ACCSL: variants seen among roughly 807,000 people sequenced by gnomAD.
ACCSL encodes the protein 1-aminocyclopropane-1-carboxylate synthase homolog (inactive) like.
Under a neutral mutation model 61.7 loss-of-function variants are expected in ACCSL, and 55 were observed. The ratio of observed to expected loss-of-function variants is 0.89; its 90% CI spans 0.72 to 1.12. ACCSL has a LOEUF of 1.12. Among genes scored for constraint, ACCSL ranks in the 50% most tolerant of loss-of-function variants. The pLI, the probability that ACCSL is intolerant of heterozygous loss-of-function variation, is 0.00. For missense variants in ACCSL, 632 were observed against 698.0 expected (o/e 0.91, Z 1.07); for synonymous variants, 258 against 264.3 (o/e 0.98, Z 0.23).
the ACCSL span, among the ~76,000 whole-genome samples, chr11:43,987,266 C>T: frequency 2.0e-5 from 3 of 152,230 alleles, no homozygotes; most frequent in Non-Finnish European, 4.4e-5. Context: ...CAGGTGGTGG[C>T]CCCTGCCACC....
chr11:44,030,086 G>GTTTTTTTTTTTTTTTTTTTTTT, the ACCSL span, among the ~76,000 whole-genome samples: 1 of 8,676 alleles, frequency 1.2e-4, no homozygotes, highest in African/African-American at 4.4e-4. Context: ...TTTTTTTTTA[G>GTTTTTTTTTTTTTTTTTTTTTT]TATAAAGGGG....
chr11:44,009,268 GC>G, the ACCSL span, among the ~76,000 whole-genome samples: 1 of 152,142 alleles, frequency 6.6e-6, no homozygotes, highest in South Asian at 2.1e-4. Flanking sequence ...GGGTTCCCAG[GC>G]CTTTGCTTCT....
chr11:43,950,661 C>A, the ACCSL span, among the ~76,000 whole-genome samples: 1 of 152,236 alleles, frequency 6.6e-6, no homozygotes, highest in Non-Finnish European at 1.5e-5. Flanking sequence ...CAGGGATGTG[C>A]CTACAACCCA....
chr11:43,957,066 G>C, the ACCSL span, among the ~76,000 whole-genome samples: 2 of 152,126 alleles, frequency 1.3e-5, no homozygotes, highest in Non-Finnish European at 2.9e-5. Flanking sequence ...AATCCATCTT[G>C]TAAACCAAAA....
chr11:44,058,484 T>C lies in ACCSL; in HGVS notation c.1470+25T>C, dbSNP rs773214958. The C allele has an allele frequency of 5.0e-6, 8 of 1,613,984 alleles. No homozygotes were observed. In the East Asian group the frequency reaches 1.8e-4, roughly 36 times the overall value. ...GGTGTGTTCTGGGAATGAGGACAGGTGTTCTTGGGCAGACCTGCCAGCTGG... is the reference window on the plus strand; with the variant it reads ...GGTGTGTTCTGGGAATGAGGACAGGCGTTCTTGGGCAGACCTGCCAGCTGG... On this transcript the variant is annotated intron_variant, in intron 12 of 13. Coordinates refer to ENST00000378832, the MANE Select transcript of ACCSL (RefSeq NM_001031854.2).
chr11:44,049,737 A>G (rs1952624061), intron 1 of ACCSL, among the ~76,000 whole-genome samples: 1 of 152,134 alleles, frequency 6.6e-6, no homozygotes, highest in South Asian at 2.1e-4. Context: ...ACTTTTCTAA[A>G]CTTCACTCTT....
the ACCSL span, among the ~76,000 whole-genome samples, chr11:44,032,050 A>G: frequency 2.0e-5 from 3 of 152,194 alleles, no homozygotes; most frequent in African/African-American, 7.2e-5. Context: ...TCAAATTTCT[A>G]TTGCTGTGTG....
the ACCSL span, among the ~76,000 whole-genome samples, chr11:44,031,030 G>C: frequency 6.6e-6 from 1 of 152,188 alleles, no homozygotes; most frequent in Non-Finnish European, 1.5e-5. Flanking sequence ...GAAGGCACCT[G>C]ACTGTTGTTT....
chr11:43,943,116 T>C, the ACCSL span: 2 of 1,493,064 alleles, frequency 1.3e-6, no homozygotes, highest in Non-Finnish European at 1.8e-6. This position sits in a 1 kb window ranked among gnomAD's most constrained non-coding sequence, Gnocchi z 4.8. Flanking sequence ...GAGGAGGGGG[T>C]GTCCCCCATG....
the ACCSL span, among the ~76,000 whole-genome samples, chr11:43,974,859 C>G: frequency 1.3e-5 from 2 of 152,204 alleles, no homozygotes; most frequent in Admixed American, 6.5e-5. Context: ...TGATTGCAAT[C>G]TCATTTGAGA....
chr11:44,010,453 G>A, the ACCSL span, among the ~76,000 whole-genome samples: 1 of 152,122 alleles, frequency 6.6e-6, no homozygotes, highest in African/African-American at 2.4e-5. Flanking sequence ...AAATAAAGTG[G>A]GCATATGGTC....
At chr11:43,934,443 T>C in the ACCSL span, among the ~76,000 whole-genome samples, 1 of 152,278 alleles carries the variant, frequency 6.6e-6, no homozygotes, top group South Asian at 2.1e-4. Context: ...CCACCCCTTA[T>C]GCCACATTCA....
At chr11:43,995,597 G>A in the ACCSL span, 2 of 152,838 alleles carry the variant, frequency 1.3e-5, no homozygotes, top group Admixed American at 6.5e-5. Flanking sequence ...AGGGCAGAAA[G>A]GCTAGGGCAC....
At chr11:43,995,007 T>C in the ACCSL span, 1 of 152,066 alleles carries the variant, frequency 6.6e-6, no homozygotes, top group Non-Finnish European at 1.5e-5. Flanking sequence ...ACCTTTACAC[T>C]CTATAGGGTG....
the ACCSL span, among the ~76,000 whole-genome samples, chr11:44,010,032 A>G: frequency 6.6e-6 from 1 of 152,152 alleles, no homozygotes; most frequent in Admixed American, 6.5e-5. Context: ...ACTGACATCT[A>G]AATGAGAGAT....
chr11:44,006,998 T>C, the ACCSL span, among the ~76,000 whole-genome samples: 10 of 152,292 alleles, frequency 6.6e-5, no homozygotes, highest in African/African-American at 2.4e-4. Context: ...TAGGCCTAGC[T>C]GACGTTTGAG....
At chr11:44,022,391 G>A in the ACCSL span, among the ~76,000 whole-genome samples, 2 of 152,102 alleles carry the variant, frequency 1.3e-5, no homozygotes, top group East Asian at 3.9e-4. Flanking sequence ...AAAACAGGTT[G>A]AGTTCTTGAT....
the ACCSL span, among the ~76,000 whole-genome samples, chr11:44,020,915 G>A: frequency 6.6e-6 from 1 of 152,068 alleles, no homozygotes; most frequent in Non-Finnish European, 1.5e-5. Flanking sequence ...CACTTAGAAT[G>A]ATGGTTTCCA....
At chr11:43,933,099 G>A in the ACCSL span, 4 of 456,090 alleles carry the variant, frequency 8.8e-6, no homozygotes, top group Non-Finnish European at 1.3e-5. Flanking sequence ...GTAGGCAGAA[G>A]ACTCTGCTTC....
Sources: allele counts gnomAD v4.1 joint callset (sites outside exome capture counted in the v4.1 genomes callset), GRCh38; gene constraint gnomAD v4.1.1; non-coding constraint Gnocchi (gnomAD v3.1); transcripts MANE v1.5; gene names NCBI Gene and HGNC (gene_info 2026-07-23, HGNC 2026-07-21).